Variants in SLC24A2 observed in about 807,000 individuals in gnomAD.
The protein encoded by SLC24A2 is sodium/potassium/calcium exchanger 2.
In SLC24A2, 36 loss-of-function variants were observed where a neutral mutation model predicts 62.0. The ratio of observed to expected loss-of-function variants is 0.58; its 90% CI spans 0.44 to 0.77. The LOEUF is 0.77. Among genes scored for constraint, SLC24A2 ranks in the 30% least tolerant of loss-of-function variants. The probability of loss-of-function intolerance (pLI) is 0.00; values close to 1 mark genes in which losing one functional copy is unlikely to be tolerated. For missense variants in SLC24A2, 846 were observed against 817.9 expected (o/e 1.03, Z -0.42); for synonymous variants, 358 against 294.0 (o/e 1.22, Z -2.23).
At chr9:20,300,426 A>G in the SLC24A2 span, among the ~76,000 whole-genome samples, 1 of 152,306 alleles carries the variant, frequency 6.6e-6, no homozygotes, top group South Asian at 2.1e-4. Context: ...TCATGGAACT[A>G]TTGTGAGAAA....
At chr9:20,020,623 T>C in the SLC24A2 span, among the ~76,000 whole-genome samples, 1 of 152,148 alleles carries the variant, frequency 6.6e-6, no homozygotes. Context: ...CTATTGTAGA[T>C]GATGGGTTGA....
chr9:20,099,220 T>C, the SLC24A2 span, among the ~76,000 whole-genome samples: 1 of 152,232 alleles, frequency 6.6e-6, no homozygotes, highest in African/African-American at 2.4e-5. Flanking sequence ...ATGATATTTC[T>C]TGAAACATGT....
rs34321235 is a variant in SLC24A2, at chr9:19,706,379, C to CTTTTTTT, written c.930+79551_930+79557dup. ...CACAGCACACTGATGGGTCTTGAAT[C>CTTTTTTT]TTTTTTTTTTTTTTTTTTGAGACGG... On this transcript the variant is annotated intron_variant, in intron 2 of 10. Coordinates refer to ENST00000341998, the MANE Select transcript of SLC24A2 (RefSeq NM_020344.4). Among the ~76,000 whole-genome samples the CTTTTTTT allele has an allele frequency of 1.5e-5, 2 of 131,932 alleles. 1 individual carries two copies. The highest frequency in any genetic ancestry group is 5.6e-5 in the African/African-American group (2 of 35,466). The allele number at this position is 131,932 out of a possible 152,430, so 86.6% of individuals were successfully genotyped here.
chr9:19,584,561 T>C lies in SLC24A2; in HGVS notation c.1130-7539A>G, dbSNP rs76156387. Among the ~76,000 whole-genome samples, 1,091 of 152,308 alleles carry C rather than the reference T, an allele frequency of 7.2e-3. 11 individuals carry two copies. The highest frequency in any genetic ancestry group is 0.035 in the South Asian group (171 of 4,832). On this transcript the variant is annotated intron_variant, in intron 5 of 10. Coordinates refer to ENST00000341998, the MANE Select transcript of SLC24A2 (RefSeq NM_020344.4). Reference sequence around the variant, plus strand: ...ACAAATCCTCTTTTATTCTACCAACTATCTTACTGGAACAGTTAATTTACC... The same window carrying C: ...ACAAATCCTCTTTTATTCTACCAACCATCTTACTGGAACAGTTAATTTACC...
At chr9:19,866,624 A>C in the SLC24A2 span, among the ~76,000 whole-genome samples, 1,568 of 106,038 alleles carry the variant, frequency 0.015, 17 homozygotes, top group Non-Finnish European at 0.023. Flanking sequence ...TCACGTTTTC[A>C]CTTTTTTTTT....
chr9:19,563,074 C>A (rs1023713683), intron 7 of SLC24A2, among the ~76,000 whole-genome samples: 7 of 152,128 alleles, frequency 4.6e-5, no homozygotes, highest in Non-Finnish European at 1.0e-4. Flanking sequence ...CCACTGTACT[C>A]CAGCCTGGGT....
At chr9:20,243,907 CT>C in the SLC24A2 span, among the ~76,000 whole-genome samples, 4 of 151,814 alleles carry the variant, frequency 2.6e-5, no homozygotes, top group East Asian at 7.7e-4. Flanking sequence ...TCTCAGGTTT[CT>C]TTGTTTTATT....
the SLC24A2 span, among the ~76,000 whole-genome samples, chr9:19,817,782 T>G: frequency 6.6e-6 from 1 of 152,104 alleles, no homozygotes. Flanking sequence ...CAGGCTGGAG[T>G]GCAGTGGTAC....
At chr9:20,082,291 C>T in the SLC24A2 span, among the ~76,000 whole-genome samples, 1 of 152,184 alleles carries the variant, frequency 6.6e-6, no homozygotes, top group Admixed American at 6.5e-5. Flanking sequence ...TTTTGTATGC[C>T]TGTGCATTGT....
chr9:20,219,348 T>C, the SLC24A2 span, among the ~76,000 whole-genome samples: 2 of 152,182 alleles, frequency 1.3e-5, no homozygotes, highest in Admixed American at 1.3e-4. Context: ...CTGTTCCCAA[T>C]GCCAGTGCTG....
chr9:19,903,419 T>A, the SLC24A2 span, among the ~76,000 whole-genome samples: 2 of 152,184 alleles, frequency 1.3e-5, no homozygotes, highest in African/African-American at 4.8e-5. Flanking sequence ...TAGATCTAAT[T>A]ATCTCCCAAA....
chr9:19,914,569 C>T, the SLC24A2 span, among the ~76,000 whole-genome samples: 1 of 152,228 alleles, frequency 6.6e-6, no homozygotes, highest in East Asian at 1.9e-4. Flanking sequence ...TCTTTTAAGA[C>T]CAGCTCAAAT....
intron 7 of SLC24A2, among the ~76,000 whole-genome samples, chr9:19,555,145 G>T (rs533618434): frequency 3.2e-4 from 48 of 152,004 alleles, no homozygotes; most frequent in African/African-American, 1.1e-3. Flanking sequence ...CTTTCTCACA[G>T]GGATAATCAA....
chr9:20,172,703 T>TA, the SLC24A2 span, among the ~76,000 whole-genome samples: 1 of 151,562 alleles, frequency 6.6e-6, no homozygotes, highest in Non-Finnish European at 1.5e-5. Context: ...TAACATGAAA[T>TA]AAAAAAATTA....
At chr9:20,303,803 C>A in the SLC24A2 span, among the ~76,000 whole-genome samples, 3 of 152,184 alleles carry the variant, frequency 2.0e-5, no homozygotes, top group Non-Finnish European at 4.4e-5. Flanking sequence ...TAGGGACAAC[C>A]TAGCGGCAAA....
At chr9:20,260,778 G>A in the SLC24A2 span, among the ~76,000 whole-genome samples, 1 of 149,804 alleles carries the variant, frequency 6.7e-6, no homozygotes, top group Admixed American at 6.7e-5. Flanking sequence ...TGTACCCAAT[G>A]TGTAGTCCTT....
rs1027252343 is a variant in SLC24A2 at position 19,540,553 on chromosome 9, T to C, written c.1479+9584A>G. Reference sequence around the variant, plus strand: ...TTGGCCCCCACTCTCTTCTGGCTTGTAGGGTTTCTGCCGAGAGATCCGCTG... The same window carrying C: ...TTGGCCCCCACTCTCTTCTGGCTTGCAGGGTTTCTGCCGAGAGATCCGCTG... On this transcript the variant is annotated intron_variant, in intron 8 of 10. Transcript: ENST00000341998. 7.0e-4 allele frequency among the ~76,000 whole-genome samples: 104 copies of C among 149,426 alleles called. 2 individuals are homozygous for C. Among genetic ancestry groups the C allele is most frequent in the African/African-American group, 2.4e-3 (98 of 40,090 alleles).
chr9:20,182,336 C>G, the SLC24A2 span, among the ~76,000 whole-genome samples: 3 of 152,166 alleles, frequency 2.0e-5, no homozygotes, highest in African/African-American at 7.2e-5. Flanking sequence ...ACATGCACAC[C>G]TATGTTTATT....
the SLC24A2 span, among the ~76,000 whole-genome samples, chr9:20,059,974 G>T: frequency 6.6e-6 from 1 of 152,020 alleles, no homozygotes; most frequent in African/African-American, 2.4e-5. Context: ...ATGGAGACAT[G>T]ATTACTGACC....
Sources: allele counts gnomAD v4.1 joint callset (sites outside exome capture counted in the v4.1 genomes callset), GRCh38; gene constraint gnomAD v4.1.1; transcripts MANE v1.5; gene names NCBI Gene and HGNC (gene_info 2026-07-23, HGNC 2026-07-21).